LIX1: variants seen among roughly 807,000 people sequenced by gnomAD.
LIX1 encodes the protein limb and CNS expressed 1, also known as protein limb expression 1 homolog.
In LIX1, 24 loss-of-function variants were observed where a neutral mutation model predicts 33.4. The ratio of observed to expected loss-of-function variants is 0.72; its 90% CI spans 0.52 to 1.01. The LOEUF (loss-of-function observed/expected upper bound fraction) is 1.01, where lower values mean the gene tolerates loss of function less well. LIX1 is among the 50% of genes least tolerant of loss of function. The probability of loss-of-function intolerance (pLI) is 0.00; values close to 1 mark genes in which losing one functional copy is unlikely to be tolerated. For missense variants in LIX1, 311 were observed against 339.2 expected (o/e 0.92, Z 0.65); for synonymous variants, 124 against 124.0 (o/e 1.00, Z 0.00).
chr5:97,110,809 A>G (rs72777610), intron 2 of LIX1, among the ~76,000 whole-genome samples: 15,550 of 152,130 alleles, frequency 0.1, 1,119 homozygotes, highest in Non-Finnish European at 0.16. Context: ...ATGAGTGTGG[A>G]AAGTAGTTTT....
intron 1 of LIX1, among the ~76,000 whole-genome samples, chr5:97,135,539 C>T (rs1748152661): frequency 6.6e-6 from 1 of 152,138 alleles, no homozygotes. Flanking sequence ...AGACTTTAGG[C>T]CAGGCGCAGT....
rs1028138827 is a variant in LIX1 at position 97,105,238 on chromosome 5, A to C, written c.435T>G (p.Tyr145Ter). The C allele has an allele frequency of 3.7e-6, 6 of 1,614,038 alleles. No individual in the cohort carries two copies. Among genetic ancestry groups the C allele is most frequent in the Non-Finnish European group, 5.1e-6 (6 of 1,180,028 alleles). ...CCATGTTTGACTCCAGCATGTAGTG[A>C]TAGGCCCCAACACTGGTGCTGGGGT... The part of the protein sequence containing the change: ...ADDPSTSVGA[Y>*]HYMLESNMGK... Residue 145 changes from tyrosine to a stop codon, truncating the protein, a stop_gained, in exon 4 of 6, where the codon TAT becomes TAG. Coordinates refer to ENST00000274382, the MANE Select transcript of LIX1 (RefSeq NM_153234.5). LOFTEE classifies it high-confidence loss of function.
intron 3 of LIX1, among the ~76,000 whole-genome samples, chr5:97,106,208 T>G (rs1747014847): frequency 6.6e-6 from 1 of 152,336 alleles, no homozygotes; most frequent in African/African-American, 2.4e-5. Flanking sequence ...AATTTCACAC[T>G]TATATAAATC....
intron 2 of LIX1, among the ~76,000 whole-genome samples, chr5:97,116,751 G>T (rs1193894433): frequency 1.3e-5 from 2 of 151,832 alleles, no homozygotes; most frequent in Admixed American, 1.3e-4. Context: ...CAGGGCTCAA[G>T]ATTTGGGTTT....
At chr5:97,109,558 T>C (rs1334523151) in intron 2 of LIX1, among the ~76,000 whole-genome samples, 1 of 152,096 alleles carries the variant, frequency 6.6e-6, no homozygotes, top group Non-Finnish European at 1.5e-5. Flanking sequence ...CCCTCATATA[T>C]TTATTTCTTT....
chr5:97,125,529 G>A (rs1294762275), intron 1 of LIX1, among the ~76,000 whole-genome samples: 1 of 152,198 alleles, frequency 6.6e-6, no homozygotes, highest in Non-Finnish European at 1.5e-5. Context: ...ACCTGAGGCA[G>A]CCTATTTCAA....
At chr5:97,129,674 A>G (rs569352574) in intron 1 of LIX1, among the ~76,000 whole-genome samples, 1 of 152,356 alleles carries the variant, frequency 6.6e-6, no homozygotes, top group African/African-American at 2.4e-5. Context: ...ACTCCGTAAT[A>G]TAATAGAACT....
intron 4 of LIX1, among the ~76,000 whole-genome samples, chr5:97,099,816 A>G (rs1384471328): frequency 1.3e-5 from 2 of 152,210 alleles, no homozygotes; most frequent in Non-Finnish European, 2.9e-5. Flanking sequence ...CAGCCTCGGC[A>G]AGTGAGTGAG....
At chr5:97,140,232 GTGTGTGTT>G (rs1323077658) in intron 1 of LIX1, among the ~76,000 whole-genome samples, 6 of 152,304 alleles carry the variant, frequency 3.9e-5, no homozygotes, top group Admixed American at 6.5e-5. Flanking sequence ...GTGTGCATGT[GTGTGTGTT>G]TGTGTGTTTG....
intron 1 of LIX1, among the ~76,000 whole-genome samples, chr5:97,136,700 G>A (rs1010441341): frequency 2.6e-5 from 4 of 152,040 alleles, no homozygotes; most frequent in Non-Finnish European, 5.9e-5. Flanking sequence ...GCTGCTTAAC[G>A]GGATGAGATC....
intron 1 of LIX1, among the ~76,000 whole-genome samples, chr5:97,130,828 C>T (rs985818462): frequency 3.9e-5 from 6 of 152,170 alleles, no homozygotes; most frequent in Admixed American, 1.3e-4. Flanking sequence ...CTTTGCAGAT[C>T]GAGCTTCTTA....
At chr5:97,133,144 C>T (rs1253005997) in intron 1 of LIX1, among the ~76,000 whole-genome samples, 1 of 152,108 alleles carries the variant, frequency 6.6e-6, no homozygotes, top group African/African-American at 2.4e-5. Context: ...TAGAAGAGTC[C>T]TCAAATACAG....
intron 4 of LIX1, among the ~76,000 whole-genome samples, chr5:97,102,326 A>G (rs922117746): frequency 1.2e-4 from 18 of 152,226 alleles, no homozygotes; most frequent in Admixed American, 6.5e-4. Flanking sequence ...GAAACAGCCC[A>G]GGTCTGTGGG....
At chr5:97,127,611 G>T (rs1291733866) in intron 1 of LIX1, among the ~76,000 whole-genome samples, 1 of 152,200 alleles carries the variant, frequency 6.6e-6, no homozygotes, top group East Asian at 1.9e-4. Context: ...CTCTATTTAT[G>T]AAACACATGC....
Position 97,105,266 on chromosome 5 carries a change from T to A in LIX1, c.407A>T (p.Asp136Val). The change falls in exon 4 of 6, where the codon GAT becomes GTT. Residue 136 changes from aspartate to valine, a missense_variant. Transcript: ENST00000274382. The stretch of plus-strand genomic sequence containing the variant: ...GGCCCCAACACTGGTGCTGGGGTCA[T>A]CTGCATCATCTAAGGTGCCCTTGGG... The part of the protein sequence containing the change: ...ASTSGTLDDA[D>V]DPSTSVGAYH... 6.2e-7 allele frequency: 1 copy of A among 1,614,048 alleles called. No individual in the cohort carries two copies. Among genetic ancestry groups the A allele is most frequent in the Non-Finnish European group, 8.5e-7 (1 of 1,179,924 alleles).
intron 4 of LIX1, among the ~76,000 whole-genome samples, chr5:97,100,985 C>A (rs528291827): frequency 1.3e-5 from 2 of 151,118 alleles, no homozygotes; most frequent in African/African-American, 2.4e-5. Flanking sequence ...ATAGTCCTCA[C>A]GGAAGTCTTT....
intron 2 of LIX1, among the ~76,000 whole-genome samples, chr5:97,110,258 A>C (rs574979281): frequency 6.6e-6 from 1 of 152,324 alleles, no homozygotes; most frequent in South Asian, 2.1e-4. Context: ...AAATAATTAC[A>C]AGACTTTTGA....
intron 2 of LIX1, among the ~76,000 whole-genome samples, chr5:97,122,485 G>A (rs999690779): frequency 1.3e-5 from 2 of 152,174 alleles, no homozygotes; most frequent in African/African-American, 4.8e-5. Flanking sequence ...TGACATTTTA[G>A]GGAATTTCAG....
At chr5:97,128,957 G>A (rs904769688) in intron 1 of LIX1, among the ~76,000 whole-genome samples, 2 of 152,046 alleles carry the variant, frequency 1.3e-5, no homozygotes, top group African/African-American at 4.8e-5. Context: ...TCTCATAGCC[G>A]ATCAAATCAC....
Sources: gnomAD v4.1 joint callset for allele counts (sites outside exome capture counted in the v4.1 genomes callset) on GRCh38, gnomAD v4.1.1 for gene constraint, MANE v1.5 for transcripts, NCBI Gene and HGNC (gene_info 2026-07-23, HGNC 2026-07-21) for gene names.